The following DMXL2 variants were observed in gnomAD, a reference collection of about 807,000 sequenced individuals.
DMXL2 encodes the protein dmX-like protein 2.
DMXL2 carries 103 observed loss-of-function variants against 331.1 expected under a neutral mutation model. That is an observed-to-expected ratio of 0.31 (90% CI 0.27 to 0.37). The LOEUF (loss-of-function observed/expected upper bound fraction) is 0.37. Among genes scored for constraint, DMXL2 ranks in the 10% least tolerant of loss-of-function variants. The pLI is 1.00. For missense variants in DMXL2, 3,171 were observed against 3,642.9 expected (o/e 0.87, Z 3.33); for synonymous variants, 1,281 against 1,252.1 (o/e 1.02, Z -0.49).
intron 9 of DMXL2, among the ~76,000 whole-genome samples, chr15:51,538,871 A>T (rs375193464): frequency 6.6e-6 from 1 of 152,230 alleles, no homozygotes; most frequent in East Asian, 1.9e-4. Context: ...TTGCTAATGT[A>T]AGGGTGATAC....
chr15:51,575,207 T>C (rs1050852967), intron 2 of DMXL2, among the ~76,000 whole-genome samples: 1 of 152,272 alleles, frequency 6.6e-6, no homozygotes, highest in South Asian at 2.1e-4. Flanking sequence ...AATGGTATGA[T>C]AAAGTAACCA....
chr15:51,488,515 T>C (rs776568712), intron 21 of DMXL2, 33 bp downstream of exon 21: 8 of 1,541,956 alleles, frequency 5.2e-6, no homozygotes, highest in Non-Finnish European at 7.1e-6. Context: ...ATCTTCATTC[T>C]GTTGAATCAC....
intron 15 of DMXL2, 128 bp downstream of exon 15, chr15:51,514,314 C>T (rs192797642): frequency 6.9e-5 from 40 of 582,510 alleles, no homozygotes; most frequent in Non-Finnish European, 1.1e-4. Flanking sequence ...GCAATTTTGA[C>T]AGAACTAACT....
Position 51,514,477 on chromosome 15 carries a change from T to G in DMXL2, c.2609A>C (p.Lys870Thr). ...CTGAAAAAATATTTCTGTTTCCTTT[T>G]TCTCCATATCTTCCTTATGTGGTTT... ...GYKPHKEDME[K>T]KETEIFFQPS... The change falls in exon 15 of 44, where the codon AAA becomes ACA. Residue 870 changes from lysine to threonine, a missense_variant. By Grantham distance (78) the Lys-to-Thr change is moderately conservative (BLOSUM62 -1). Transcript: ENST00000560891. The G allele has an allele frequency of 6.3e-7, 1 of 1,585,740 alleles. No homozygotes were observed. Among genetic ancestry groups the G allele is most frequent in the South Asian group, 1.1e-5 (1 of 87,310 alleles).
chr15:51,546,424 A>G (rs1200890336), intron 7 of DMXL2, among the ~76,000 whole-genome samples: 1 of 152,174 alleles, frequency 6.6e-6, no homozygotes, highest in Admixed American at 6.5e-5. Flanking sequence ...CAAAAAGTAT[A>G]TAAATTTCCC....
At position 51,601,527 on chromosome 15, in the gene DMXL2, T is replaced by C. The variant is rs563999237; in HGVS notation, c.87+20932A>G. ...GTCCCAGCACCACTGATTGAAAAGA[T>C]CAACCATCCTGTTACTCTACCATGC... is the stretch of plus-strand genomic sequence containing the variant. On this transcript the variant is annotated intron_variant, in intron 1 of 43. Coordinates refer to ENST00000560891, the MANE Select transcript of DMXL2 (RefSeq NM_001378457.1). Among the ~76,000 whole-genome samples the C allele has an allele frequency of 5.9e-5, 9 of 152,276 alleles. No homozygotes were observed. In the South Asian group the frequency reaches 1.7e-3, roughly 28 times the overall value.
chr15:51,535,912 G>A, intron 12 of DMXL2, 128 bp from the exon 13 acceptor site: 2 of 1,091,884 alleles, frequency 1.8e-6, no homozygotes, highest in African/African-American at 1.6e-5. Context: ...TAATTAAACA[G>A]GCACAATAAG....
chr15:51,610,621 A>G (rs988408505), intron 1 of DMXL2, among the ~76,000 whole-genome samples: 3 of 152,114 alleles, frequency 2.0e-5, no homozygotes, highest in African/African-American at 4.8e-5. Context: ...ACAAAAAATT[A>G]GCCGGGCATG....
At chr15:51,486,535 A>G (rs144471692) in intron 22 of DMXL2, among the ~76,000 whole-genome samples, 198 bp from the exon 23 acceptor site, 1 of 152,140 alleles carries the variant, frequency 6.6e-6, no homozygotes, top group Admixed American at 6.5e-5. Context: ...TAGCTTCCAA[A>G]CTAGACAGAT....
rs151030730 is a variant in DMXL2, at chr15:51,457,499, T to G, written c.8199-33A>C. On this transcript the variant is annotated intron_variant, in intron 36 of 43. Coordinates refer to ENST00000560891, the MANE Select transcript of DMXL2 (RefSeq NM_001378457.1). ...AAACATTCATGTGTTACTGTGAACATTCCCTTTTCTCTTAACACAAATTCC... is the reference window on the plus strand; with the variant it reads ...AAACATTCATGTGTTACTGTGAACAGTCCCTTTTCTCTTAACACAAATTCC... 2.5e-6 allele frequency: 4 copies of G among 1,607,020 alleles called. No individual in the cohort carries two copies. The East Asian group carries it at 6.7e-5, about 27-fold the overall frequency.
chr15:51,500,292 T>C (rs533708406), intron 17 of DMXL2, 61 bp from the exon 18 acceptor site: 184 of 1,449,826 alleles, frequency 1.3e-4, no homozygotes, highest in Middle Eastern at 2.1e-4. Context: ...AATAATATGG[T>C]AGTAATCAAA....
chr15:51,581,825 T>C (rs377150341), intron 1 of DMXL2, among the ~76,000 whole-genome samples: 3 of 152,260 alleles, frequency 2.0e-5, no homozygotes, highest in East Asian at 3.9e-4. Flanking sequence ...ATCCCGGAAG[T>C]TACAGGGTCA....
chr15:51,590,744 T>C (rs2052242701), intron 1 of DMXL2, among the ~76,000 whole-genome samples: 3 of 152,130 alleles, frequency 2.0e-5, no homozygotes, highest in Non-Finnish European at 4.4e-5. Context: ...CTGCTAAGCA[T>C]TAAGTCAACA....
chr15:51,542,558 G>A (rs1178882541), intron 8 of DMXL2, 51 bp from the exon 9 acceptor site: 1 of 1,375,820 alleles, frequency 7.3e-7, no homozygotes, highest in East Asian at 2.3e-5. Context: ...TCTAATAAAT[G>A]CCAACCAAAG....
chr15:51,522,860 C>T (rs2047455073), intron 13 of DMXL2, among the ~76,000 whole-genome samples: 1 of 152,168 alleles, frequency 6.6e-6, no homozygotes, highest in Non-Finnish European at 1.5e-5. Flanking sequence ...TTCTCCTTTC[C>T]TAGACTATGA....
chr15:51,564,199 A>G lies in DMXL2; in HGVS notation c.426T>C (p.Ile142=). The change falls in exon 5 of 44, where the codon ATT becomes ATC. Residue 142 remains isoleucine, a synonymous_variant. Coordinates refer to ENST00000560891, the MANE Select transcript of DMXL2 (RefSeq NM_001378457.1). The stretch of plus-strand genomic sequence containing the variant: ...TATCAATTTCTTCCTCCTCTTCCAG[A>G]ATATCATCTCCTGGAGGAGCCCACA... ...IQLWAPPGDD[I]LEEEEEIDNT... is the part of the protein sequence containing the mutation. The G allele has an allele frequency of 6.2e-7, 1 of 1,608,758 alleles. No individual in the cohort carries two copies. The highest frequency in any genetic ancestry group is 8.5e-7 in the Non-Finnish European group (1 of 1,177,574).
Position 51,565,134 on chromosome 15 carries a change from C to A in DMXL2, c.318G>T (p.Gln106His). ...TGTATGTCACAGAACTCAAAAAAAA[C>A]TGCCCAGTTTTAAGCCACTGGCACT... Reference protein sequence around the residue: ...QLKCQWLKTGQFFLSSVTYNL... With the variant: ...QLKCQWLKTGHFFLSSVTYNL... The change falls in exon 4 of 44, where the codon CAG (glutamine) becomes CAT (histidine). Residue 106 changes from glutamine to histidine, a missense_variant. Gln to His is a conservative substitution (Grantham distance 24, BLOSUM62 0). This residue lies in a region of DMXL2 where 1,674 missense variants were observed against 1,780.2 expected (regional missense o/e 0.94). Coordinates refer to ENST00000560891, the MANE Select transcript of DMXL2 (RefSeq NM_001378457.1). 2 of 1,584,226 alleles carry A rather than the reference C, an allele frequency of 1.3e-6. No individual in the cohort carries two copies. Among genetic ancestry groups the A allele is most frequent in the East Asian group, 2.3e-5 (1 of 43,438 alleles).
chr15:51,468,021 G>A (rs541426940), intron 29 of DMXL2, among the ~76,000 whole-genome samples: 32 of 152,158 alleles, frequency 2.1e-4, no homozygotes, highest in Non-Finnish European at 1.6e-4. Context: ...CCACCATGCC[G>A]GGCCTGACCT....
At chr15:51,532,736 C>T (rs74013281) in intron 13 of DMXL2, among the ~76,000 whole-genome samples, 1 of 152,078 alleles carries the variant, frequency 6.6e-6, no homozygotes, top group Non-Finnish European at 1.5e-5. Flanking sequence ...AGACTGAATG[C>T]TTTTCCTCCA....
Sources: gnomAD v4.1 joint callset for allele counts (sites outside exome capture counted in the v4.1 genomes callset) on GRCh38, gnomAD v4.1.1 for gene constraint, gnomAD v4.1.1 regional missense constraint, MANE v1.5 for transcripts, NCBI Gene and HGNC (gene_info 2026-07-23, HGNC 2026-07-21) for gene names.